Variants in EMSY observed in about 807,000 individuals in gnomAD.
The protein encoded by EMSY is BRCA2-interacting transcriptional repressor EMSY.
Under a neutral mutation model 134.6 loss-of-function variants are expected in EMSY, and 26 were observed. The ratio of observed to expected loss-of-function variants is 0.19; its 90% CI spans 0.14 to 0.27. EMSY has a LOEUF of 0.27. Ranked by LOEUF, EMSY falls within the 10% of genes least tolerant of loss-of-function variation. EMSY has a pLI of 1.00. For missense variants in EMSY, 1,305 were observed against 1,611.4 expected (o/e 0.81, Z 3.26); for synonymous variants, 579 against 577.8 (o/e 1.00, Z -0.03).
At chr11:76,529,905 A>G (rs982465360) in intron 14 of EMSY, among the ~76,000 whole-genome samples, 1 of 152,104 alleles carries the variant, frequency 6.6e-6, no homozygotes, top group Non-Finnish European at 1.5e-5. Flanking sequence ...TTATTCTCCA[A>G]TCATTTCTTT....
At chr11:76,513,971 T>C (rs1190949224) in intron 10 of EMSY, among the ~76,000 whole-genome samples, 1 of 152,100 alleles carries the variant, frequency 6.6e-6, no homozygotes, top group Non-Finnish European at 1.5e-5. Context: ...AGAGTATATG[T>C]TACATTACAG....
intron 8 of EMSY, among the ~76,000 whole-genome samples, chr11:76,483,654 G>C (rs1197979414): frequency 6.6e-6 from 1 of 151,938 alleles, no homozygotes; most frequent in East Asian, 1.9e-4. Flanking sequence ...AGAAGACAAG[G>C]GCATTACATA....
intron 8 of EMSY, among the ~76,000 whole-genome samples, chr11:76,485,435 A>G (rs1347545769): frequency 2.0e-5 from 3 of 152,360 alleles, no homozygotes; most frequent in East Asian, 1.9e-4. Flanking sequence ...AACAGAGCCA[A>G]TGACAAAAAC....
At chr11:76,503,402 C>A (rs1949955457) in intron 9 of EMSY, among the ~76,000 whole-genome samples, 1 of 151,150 alleles carries the variant, frequency 6.6e-6, no homozygotes, top group East Asian at 1.9e-4. Flanking sequence ...CAGTATGGTA[C>A]CGGCATAAGA....
At chr11:76,546,429 G>C in intron 20 of EMSY, 132 bp downstream of exon 21, 1 of 1,274,462 alleles carries the variant, frequency 7.8e-7, no homozygotes, top group East Asian at 2.5e-5. Context: ...CTTTGAGATG[G>C]TGTTTGACAA....
intron 13 of EMSY, among the ~76,000 whole-genome samples, chr11:76,527,742 G>A (rs1435673439): frequency 6.6e-6 from 1 of 151,564 alleles, no homozygotes; most frequent in South Asian, 2.1e-4. Context: ...ACTTTTTGCA[G>A]GTGTGTCAAT....
chr11:76,547,315 G>A (rs1217717637), intron 20 of EMSY, among the ~76,000 whole-genome samples: 1 of 152,140 alleles, frequency 6.6e-6, no homozygotes, highest in African/African-American at 2.4e-5. Context: ...ACCAATTAAG[G>A]TAGAATTAAA....
At chr11:76,522,601 T>G (rs1333053710) in intron 11 of EMSY, among the ~76,000 whole-genome samples, 1 of 152,088 alleles carries the variant, frequency 6.6e-6, no homozygotes, top group East Asian at 1.9e-4. Context: ...CCTCTGGTGA[T>G]CTGCCTGCGT....
intron 2 of EMSY, 87 bp from the exon 3 acceptor site, chr11:76,451,771 G>A (rs1391455159): frequency 4.5e-6 from 3 of 667,772 alleles, no homozygotes. Context: ...ATTATTTTTA[G>A]TTTTTTTGCC....
intron 5 of EMSY, chr11:76,458,643 C>A (rs933551848): frequency 6.8e-5 from 16 of 236,070 alleles, no homozygotes; most frequent in African/African-American, 3.2e-4. Flanking sequence ...GAATAGAAGG[C>A]CTTAATGGAT....
intron 11 of EMSY, among the ~76,000 whole-genome samples, 164 bp from the exon 13 acceptor site, chr11:76,522,991 C>G (rs1398895940): frequency 1.3e-5 from 2 of 152,298 alleles, no homozygotes; most frequent in African/African-American, 4.8e-5. Context: ...TCTGGTATGA[C>G]TTATAACTTA....
At chr11:76,445,453 C>T (rs1019894019) in intron 1 of EMSY, among the ~76,000 whole-genome samples, 2 of 152,158 alleles carry the variant, frequency 1.3e-5, no homozygotes, top group African/African-American at 4.8e-5. Context: ...ACAACAGCTA[C>T]TGGCCCAGAG....
chr11:76,447,679 A>T (rs1415956741), intron 2 of EMSY, among the ~76,000 whole-genome samples: 1 of 152,244 alleles, frequency 6.6e-6, no homozygotes, highest in African/African-American at 2.4e-5. Context: ...TATGTAAAGA[A>T]CTAACTTCGC....
intron 9 of EMSY, among the ~76,000 whole-genome samples, chr11:76,507,352 T>G (rs1722446131): frequency 6.6e-6 from 1 of 152,202 alleles, no homozygotes; most frequent in Non-Finnish European, 1.5e-5. Flanking sequence ...GATTTTTCCT[T>G]CTGTAAAAGA....
At chr11:76,496,637 T>A (rs2135814541) in intron 9 of EMSY, 168 bp downstream of exon 10, 1 of 783,066 alleles carries the variant, frequency 1.3e-6, no homozygotes. Flanking sequence ...TTTGTTAGAT[T>A]TGTACCTAAG....
downstream of EMSY, chr11:76,552,050 T>TA (rs535431008): frequency 6.1e-4 from 93 of 152,304 alleles, no homozygotes; most frequent in African/African-American, 2.1e-3. Flanking sequence ...GAATGGCAAA[T>TA]AAAAGTGCTA....
At chr11:76,520,360 T>G (rs1194328168) in intron 11 of EMSY, among the ~76,000 whole-genome samples, 1 of 152,160 alleles carries the variant, frequency 6.6e-6, no homozygotes, top group African/African-American at 2.4e-5. Flanking sequence ...ATTCATTTGT[T>G]AAGCAAGTTT....
intron 8 of EMSY, among the ~76,000 whole-genome samples, chr11:76,474,561 A>T (rs1418563038): frequency 6.6e-6 from 1 of 152,208 alleles, no homozygotes; most frequent in African/African-American, 2.4e-5. Context: ...GGATGCAGTC[A>T]GTATTTCTTC....
chr11:76,526,291 A>G (rs1950843404), intron 12 of EMSY, among the ~76,000 whole-genome samples, 171 bp from the exon 14 acceptor site: 2 of 152,216 alleles, frequency 1.3e-5, no homozygotes, highest in Admixed American at 6.5e-5. Context: ...GACTTTCTAT[A>G]TCATTTCAAC....
Sources: allele counts gnomAD v4.1 joint callset (sites outside exome capture counted in the v4.1 genomes callset), GRCh38; gene constraint gnomAD v4.1.1; transcripts MANE v1.5; gene names NCBI Gene and HGNC (gene_info 2026-07-23, HGNC 2026-07-21).